BICRA: variants seen among roughly 807,000 people sequenced by gnomAD.
BICRA encodes the protein BRD4-interacting chromatin-remodeling complex-associated protein.
In BICRA, 31 loss-of-function variants were observed where a neutral mutation model predicts 96.9. The ratio of observed to expected loss-of-function variants is 0.32; its 90% CI spans 0.24 to 0.43. The LOEUF (loss-of-function observed/expected upper bound fraction) is 0.43. Ranked by LOEUF, BICRA falls within the 20% of genes least tolerant of loss-of-function variation. The pLI is 1.00. For synonymous variants in BICRA, 1,350 were observed against 1,071.8 expected (o/e 1.26, Z -5.07); for missense variants, 2,283 against 2,190.3 (o/e 1.04, Z -0.84).
intron 1 of BICRA, among the ~76,000 whole-genome samples, chr19:47,648,439 C>G (rs982391742): frequency 2.0e-5 from 3 of 151,924 alleles, no homozygotes; most frequent in African/African-American, 7.3e-5. Flanking sequence ...GAGCTCACCA[C>G]TCTTGGGGGA....
At chr19:47,685,287 C>T (rs190606353) in intron 7 of BICRA, among the ~76,000 whole-genome samples, 227 of 152,222 alleles carry the variant, frequency 1.5e-3, no homozygotes, top group Middle Eastern at 3.4e-3. Flanking sequence ...TGCCTGGCCA[C>T]GCGGATGACC....
At chr19:47,616,337 T>A (rs778175440) in intron 1 of BICRA, among the ~76,000 whole-genome samples, 6 of 152,176 alleles carry the variant, frequency 3.9e-5, no homozygotes, top group African/African-American at 7.2e-5. Context: ...GTGTTGGCAT[T>A]TTAAATGGAA....
chr19:47,609,814 G>A (rs571587663), intron 1 of BICRA, among the ~76,000 whole-genome samples: 104 of 152,158 alleles, frequency 6.8e-4, no homozygotes, highest in African/African-American at 2.4e-3. Context: ...GGGGAGGGAT[G>A]GATGGGGAAG....
rs550310904 is a variant in BICRA, at chr19:47,698,290, C to T, written c.3249-344C>T. Among the ~76,000 whole-genome samples, 12 of 152,278 alleles carry T rather than the reference C, an allele frequency of 7.9e-5. 1 individual carries two copies. The South Asian group carries it at 2.5e-3, about 32-fold the overall frequency. ...AGGAGGCACGGTGGAGCCACACTGG[C>T]CCCAGGTGGCAGGAGGCAGAATAGC... On this transcript the variant is annotated intron_variant, in intron 11 of 14. Transcript: ENST00000594866. The surrounding 1 kb of genome is among the most constrained non-coding windows in gnomAD (Gnocchi z 4.8).
chr19:47,703,083 C>T lies in BICRA; in HGVS notation c.*668C>T, dbSNP rs1973497889. ...GGGTCTTCCTCTCCCCCGAACCTCT[C>T]CCCAGCTAGTCTTCCCTCTGTTCTT... On this transcript the variant is annotated 3_prime_UTR_variant, in exon 15 of 15. Transcript: ENST00000594866. The T allele has an allele frequency of 6.5e-6, 1 of 152,772 alleles. No individual in the cohort carries two copies. Among genetic ancestry groups the T allele is most frequent in the Non-Finnish European group, 1.5e-5 (1 of 68,126 alleles). The allele number at this position is 152,772 out of a possible 1,614,324, so 9.5% of individuals were successfully genotyped here. A position where few individuals can be genotyped will look rare whatever the true frequency, so the allele number is the denominator to read the frequency against.
rs1568566276 is a variant in BICRA at position 47,673,772 on chromosome 19, G to A, written c.84+10G>A. The A allele has an allele frequency of 6.2e-6, 10 of 1,610,310 alleles. No homozygotes were observed. The highest frequency in any genetic ancestry group is 8.5e-6 in the Non-Finnish European group (10 of 1,176,648). ...GCATGGATCCGAGAAGGTAAGCATGGGCGCAGGGAGAGGCATTCCCTGAGT... is the reference window on the plus strand; with the variant it reads ...GCATGGATCCGAGAAGGTAAGCATGAGCGCAGGGAGAGGCATTCCCTGAGT... On this transcript the variant is annotated intron_variant, in intron 4 of 14. Coordinates refer to ENST00000594866, the MANE Select transcript of BICRA (RefSeq NM_001394372.1).
intron 1 of BICRA, among the ~76,000 whole-genome samples, chr19:47,642,573 G>A (rs757662987): frequency 3.4e-4 from 51 of 151,966 alleles, no homozygotes; most frequent in South Asian, 4.2e-4. Context: ...ATGGTGGCAC[G>A]CGCCTGTAGT....
In BICRA at chr19:47,682,134, C is replaced by G; in HGVS notation, c.2265C>G (p.Ser755=). The part of the protein sequence containing the change: ...LGPQAPDSQA[S]PAPAPQIPAA... ...CTCAGGCCCCCGACAGCCAGGCTTCCCCGGCTCCGGCCCCCCAGGTAGAGG... is the reference window on the plus strand; with the variant it reads ...CTCAGGCCCCCGACAGCCAGGCTTCGCCGGCTCCGGCCCCCCAGGTAGAGG... Residue 755 remains serine (S), a synonymous_variant, in exon 7 of 15, where the codon TCC becomes TCG. Coordinates refer to ENST00000594866, the MANE Select transcript of BICRA (RefSeq NM_001394372.1). The G allele has an allele frequency of 6.0e-6, 9 of 1,489,542 alleles. No homozygotes were observed. Among genetic ancestry groups the G allele is most frequent in the Non-Finnish European group, 8.2e-6 (9 of 1,099,688 alleles). The allele number at this position is 1,489,542 out of a possible 1,614,324, so 92.3% of individuals were successfully genotyped here.
intron 1 of BICRA, among the ~76,000 whole-genome samples, chr19:47,619,403 C>T (rs1040282017): frequency 2.0e-5 from 3 of 151,778 alleles, no homozygotes; most frequent in African/African-American, 7.3e-5. Flanking sequence ...GGATTATAGG[C>T]GCCCGCCACC....
At chr19:47,612,432 A>C (rs1037868470) in intron 1 of BICRA, among the ~76,000 whole-genome samples, 1 of 151,996 alleles carries the variant, frequency 6.6e-6, no homozygotes, top group African/African-American at 2.4e-5. Flanking sequence ...AAAATAAATA[A>C]AATAAAAAAT....
rs1427178076 is a variant in BICRA at position 47,673,633 on chromosome 19, C to T, written c.41+18C>T. On this transcript the variant is annotated intron_variant, in intron 3 of 14. Transcript: ENST00000594866. ...GTGATTTGGTGAGTAACGGGCTCCC[C>T]ACCCCCTGCCCTCTGTCTCAACCCC... 3.1e-6 allele frequency: 5 copies of T among 1,598,286 alleles called. No homozygotes were observed. Among genetic ancestry groups the T allele is most frequent in the African/African-American group, 1.3e-5 (1 of 74,612 alleles).
chr19:47,626,315 A>C (rs1354107397), intron 1 of BICRA: 1 of 152,340 alleles, frequency 6.6e-6, no homozygotes, highest in Non-Finnish European at 1.5e-5. Flanking sequence ...ACTTGCCCAG[A>C]GCCCGACAGC....
At chr19:47,649,275 T>C (rs1972508574) in intron 1 of BICRA, among the ~76,000 whole-genome samples, 1 of 152,228 alleles carries the variant, frequency 6.6e-6, no homozygotes, top group East Asian at 1.9e-4. Context: ...CATGAGCCAC[T>C]GTGCCTGGCC....
At chr19:47,650,996 G>T (rs1972532127) in intron 1 of BICRA, among the ~76,000 whole-genome samples, 1 of 152,030 alleles carries the variant, frequency 6.6e-6, no homozygotes, top group Non-Finnish European at 1.5e-5. Flanking sequence ...TACACTCCTT[G>T]GCCAATCCAT....
chr19:47,635,370 A>C (rs1426238261), intron 1 of BICRA, among the ~76,000 whole-genome samples: 1 of 150,782 alleles, frequency 6.6e-6, no homozygotes, highest in African/African-American at 2.4e-5. Flanking sequence ...ACCTCACTCT[A>C]TCAAGTAGGC....
intron 10 of BICRA, among the ~76,000 whole-genome samples, chr19:47,696,183 C>A (rs1285253663): frequency 1.3e-5 from 2 of 152,000 alleles, no homozygotes; most frequent in Non-Finnish European, 2.9e-5. Flanking sequence ...CAGAGGCAGC[C>A]CTGGGCGAGG....
At chr19:47,664,218 C>T (rs559544560) in intron 1 of BICRA, among the ~76,000 whole-genome samples, 34 of 152,286 alleles carry the variant, frequency 2.2e-4, no homozygotes, top group African/African-American at 6.5e-4. Context: ...AATTAAAATT[C>T]GCCTGTTTGT....
Position 47,698,778 on chromosome 19 carries a change from C to T in BICRA, c.3393C>T (p.His1131=), listed in dbSNP as rs770129653. ...QGALPSPSDY[H]KVDEEFETVS... ...CCCTCCCCTCCCCCAGTGACTACCA[C>T]AAAGGTGAGGCCTCCCCAGGACACG... The change falls in exon 12 of 15, where the codon CAC becomes CAT. Residue 1131 remains histidine, a synonymous_variant. Transcript: ENST00000594866. The surrounding 1 kb of genome is among the most constrained non-coding windows in gnomAD (Gnocchi z 4.8). 3 of 1,602,442 alleles carry T rather than the reference C, an allele frequency of 1.9e-6. No homozygotes were observed. In the Admixed American group the frequency reaches 5.1e-5, roughly 27 times the overall value.
chr19:47,619,607 G>A (rs1010558903), intron 1 of BICRA, among the ~76,000 whole-genome samples: 3 of 151,116 alleles, frequency 2.0e-5, no homozygotes, highest in African/African-American at 4.9e-5. Context: ...AGTAAAATCC[G>A]CAGAGGGGCC....
Sources: gnomAD v4.1 joint callset for allele counts (sites outside exome capture counted in the v4.1 genomes callset) on GRCh38, gnomAD v4.1.1 for gene constraint, Gnocchi (gnomAD v3.1) non-coding constraint, MANE v1.5 for transcripts, NCBI Gene and HGNC (gene_info 2026-07-23, HGNC 2026-07-21) for gene names.